Variants in DLG2 observed in about 807,000 individuals in gnomAD.
DLG2 encodes the protein discs large MAGUK scaffold protein 2, also known as disks large homolog 2.
A neutral mutation model predicts 132.5 loss-of-function variants in DLG2; 45 were observed. The observed-to-expected ratio is 0.34, with a 90% CI of 0.27 to 0.44. The LOEUF is 0.44. DLG2 is among the 20% of genes least tolerant of loss of function. The pLI is 1.00. For missense variants in DLG2, 1,045 were observed against 1,196.9 expected (o/e 0.87, Z 1.87); for synonymous variants, 424 against 419.6 (o/e 1.01, Z -0.13).
At chr11:85,547,718 C>A (rs545078826) in intron 3 of DLG2, among the ~76,000 whole-genome samples, 1 of 152,034 alleles carries the variant, frequency 6.6e-6, no homozygotes, top group Non-Finnish European at 1.5e-5. Flanking sequence ...TGTCTTCTCA[C>A]TTTATTTCAT....
chr11:84,790,698 G>A (rs1312214555), intron 6 of DLG2, among the ~76,000 whole-genome samples: 1 of 152,122 alleles, frequency 6.6e-6, no homozygotes, highest in Non-Finnish European at 1.5e-5. Flanking sequence ...ATGTTTCCTT[G>A]TAGTAGTTGC....
intron 6 of DLG2, among the ~76,000 whole-genome samples, chr11:84,838,771 G>T (rs1042476692): frequency 6.6e-6 from 1 of 151,926 alleles, no homozygotes; most frequent in Middle Eastern, 3.2e-3. Flanking sequence ...ATGCAGAAAA[G>T]GCCTTTGACA....
In DLG2 at chr11:84,491,361, A is replaced by T. The variant is rs576450148; in HGVS notation, c.519+43209T>A. On this transcript the variant is annotated intron_variant, in intron 7 of 27. Transcript: ENST00000376104. ...TCTATTTGCCTGCCGCCATCCACGTAAGATGTGACTTGCTCCTCCTTGCCT... is the reference window on the plus strand; with the variant it reads ...TCTATTTGCCTGCCGCCATCCACGTTAGATGTGACTTGCTCCTCCTTGCCT... Among the ~76,000 whole-genome samples, 4 of 152,182 alleles carry T rather than the reference A, an allele frequency of 2.6e-5. No individual in the cohort carries two copies. In the South Asian group the frequency reaches 8.3e-4, roughly 32 times the overall value.
At chr11:84,584,053 G>A (rs757313742) in intron 6 of DLG2, among the ~76,000 whole-genome samples, 1 of 151,816 alleles carries the variant, frequency 6.6e-6, no homozygotes, top group African/African-American at 2.4e-5. Context: ...ATTTCTCTAT[G>A]GTATATATAT....
At chr11:84,205,355 T>C (rs2096651694) in intron 8 of DLG2, among the ~76,000 whole-genome samples, 1 of 152,064 alleles carries the variant, frequency 6.6e-6, no homozygotes, top group African/African-American at 2.4e-5. Flanking sequence ...AGTAAGAATA[T>C]AAAAGATTCA....
At chr11:84,998,343 G>C (rs187263562) in intron 6 of DLG2, among the ~76,000 whole-genome samples, 1 of 151,922 alleles carries the variant, frequency 6.6e-6, no homozygotes, top group Non-Finnish European at 1.5e-5. Context: ...ATAAGCATCC[G>C]ACATTTCCCA....
At chr11:84,582,209 G>A (rs2099518180) in intron 6 of DLG2, among the ~76,000 whole-genome samples, 1 of 151,276 alleles carries the variant, frequency 6.6e-6, no homozygotes, top group Admixed American at 6.6e-5. Flanking sequence ...AGAAAGGCAA[G>A]GTAATAAAAA....
intron 17 of DLG2, among the ~76,000 whole-genome samples, chr11:83,804,180 T>G (rs76187074): frequency 0.034 from 5,174 of 152,186 alleles, 145 homozygotes; most frequent in Non-Finnish European, 0.045. Flanking sequence ...TCTTCCCAAT[T>G]GCAATCAGTC....
At chr11:84,023,873 A>G (rs1423426774) in intron 11 of DLG2, among the ~76,000 whole-genome samples, 1 of 152,070 alleles carries the variant, frequency 6.6e-6, no homozygotes, top group East Asian at 1.9e-4. Context: ...CTTTACAATA[A>G]TCCGCTTAAT....
intron 9 of DLG2, among the ~76,000 whole-genome samples, chr11:84,124,287 T>C (rs2094060992): frequency 6.6e-6 from 1 of 152,190 alleles, no homozygotes; most frequent in South Asian, 2.1e-4. Context: ...GATCTCCGTG[T>C]CCTCTGATAA....
chr11:84,890,426 T>G (rs946053199), intron 6 of DLG2, among the ~76,000 whole-genome samples: 1 of 152,136 alleles, frequency 6.6e-6, no homozygotes, highest in Non-Finnish European at 1.5e-5. Flanking sequence ...TTATAAGAAT[T>G]GGGAGCTGCC....
chr11:85,263,985 G>A (rs1280983267), intron 4 of DLG2, among the ~76,000 whole-genome samples: 1 of 152,218 alleles, frequency 6.6e-6, no homozygotes, highest in Non-Finnish European at 1.5e-5. Context: ...AGGGGCTGAA[G>A]GGAAGTTTTA....
intron 18 of DLG2, among the ~76,000 whole-genome samples, chr11:83,775,801 A>G (rs761810481): frequency 1.3e-5 from 2 of 152,086 alleles, no homozygotes; most frequent in Non-Finnish European, 2.9e-5. Flanking sequence ...GAAGGAATAT[A>G]AAGATGAATA....
At chr11:85,325,285 C>T (rs1172784624) in intron 3 of DLG2, among the ~76,000 whole-genome samples, 1 of 152,232 alleles carries the variant, frequency 6.6e-6, no homozygotes, top group Non-Finnish European at 1.5e-5. Flanking sequence ...TCAAGGAGGC[C>T]TGTCTGCCTC....
At chr11:84,473,931 G>A (rs1407021625) in intron 7 of DLG2, among the ~76,000 whole-genome samples, 1 of 152,030 alleles carries the variant, frequency 6.6e-6, no homozygotes, top group Non-Finnish European at 1.5e-5. Context: ...ACTCATTTAT[G>A]TTATTCACTA....
chr11:85,013,132 C>T (rs2059293030), intron 6 of DLG2, among the ~76,000 whole-genome samples: 1 of 152,144 alleles, frequency 6.6e-6, no homozygotes, highest in Admixed American at 6.5e-5. Context: ...CTCTTGCTAA[C>T]GTTTATCATC....
intron 7 of DLG2, among the ~76,000 whole-genome samples, chr11:84,378,233 G>T (rs1233926742): frequency 6.6e-6 from 1 of 152,120 alleles, no homozygotes; most frequent in Non-Finnish European, 1.5e-5. Flanking sequence ...CAGGGGGCTG[G>T]TTTGCTCTTT....
At chr11:84,756,425 G>C (rs1296856069) in intron 6 of DLG2, among the ~76,000 whole-genome samples, 1 of 152,174 alleles carries the variant, frequency 6.6e-6, no homozygotes, top group Non-Finnish European at 1.5e-5. Flanking sequence ...TCAAGCTATT[G>C]ACTATGTTTA....
rs142977847 is a variant in DLG2 at position 85,279,088 on chromosome 11, T to C, written c.186+6132A>G. 2.6e-5 allele frequency among the ~76,000 whole-genome samples: 4 copies of C among 152,290 alleles called. No individual in the cohort carries two copies. In the East Asian group the frequency reaches 5.8e-4, roughly 22 times the overall value. ...ATCTTTATAACTGATATCCAAAAGA[T>C]ATGTTATGAAAGAACACCAAGTCCA... On this transcript the variant is annotated intron_variant, in intron 4 of 27. Transcript: ENST00000376104.
Sources: allele counts gnomAD v4.1 joint callset (sites outside exome capture counted in the v4.1 genomes callset), GRCh38; gene constraint gnomAD v4.1.1; transcripts MANE v1.5; gene names NCBI Gene and HGNC (gene_info 2026-07-23, HGNC 2026-07-21).